Variants in SERPINE2 observed in about 807,000 individuals in gnomAD.
SERPINE2 encodes serpin family E member 2, also known as glia-derived nexin.
Under a neutral mutation model 36.3 loss-of-function variants are expected in SERPINE2, and 14 were observed. That is an observed-to-expected ratio of 0.39 (90% CI 0.25 to 0.60). The LOEUF is 0.60. Among genes scored for constraint, SERPINE2 ranks in the 20% least tolerant of loss-of-function variants. SERPINE2 has a pLI of 0.57. For synonymous variants in SERPINE2, 192 were observed against 191.8 expected (o/e 1.00, Z -0.01); for missense variants, 418 against 499.6 (o/e 0.84, Z 1.56).
At chr2:224,011,433 C>T (rs1398910816) in intron 1 of SERPINE2, among the ~76,000 whole-genome samples, 1 of 152,044 alleles carries the variant, frequency 6.6e-6, no homozygotes, top group Non-Finnish European at 1.5e-5. Context: ...CAATAAAATC[C>T]AAATTCTTTT....
In SERPINE2 at chr2:223,991,982, A is replaced by G. The variant is rs1327449063; in HGVS notation, c.506T>C (p.Leu169Pro). ...CACACCATCAATAAGATCTGGGGACAGCAGATTGTCAATCATATCTGTGAA... is the reference window on the plus strand; with the variant it reads ...CACACCATCAATAAGATCTGGGGACGGCAGATTGTCAATCATATCTGTGAA... The part of the protein sequence containing the change: ...NETRDMIDNL[L>P]SPDLIDGVLT... Residue 169 changes from leucine to proline, a missense_variant, in exon 4 of 9, where the codon CTG (leucine) becomes CCG (proline). Physicochemically the swap from Leu to Pro is moderately conservative, Grantham distance 98. Transcript: ENST00000409304. 6.2e-7 allele frequency: 1 copy of G among 1,614,090 alleles called. No individual in the cohort carries two copies. Among genetic ancestry groups the G allele is most frequent in the East Asian group, 2.2e-5 (1 of 44,890 alleles).
At chr2:224,012,610 A>G (rs939953569) in intron 1 of SERPINE2, among the ~76,000 whole-genome samples, 122 of 152,200 alleles carry the variant, frequency 8.0e-4, no homozygotes, top group African/African-American at 2.3e-3. Flanking sequence ...CCCAAAAAAA[A>G]AAAAAAAATT....
At chr2:223,982,938 T>C (rs1486767168) in intron 5 of SERPINE2, among the ~76,000 whole-genome samples, 157 bp from the exon 6 acceptor site, 3 of 152,222 alleles carry the variant, frequency 2.0e-5, no homozygotes, top group Non-Finnish European at 4.4e-5. Flanking sequence ...AAATACCAGA[T>C]AAGTAAAGGA....
chr2:223,981,568 C>A (rs1221287640), intron 6 of SERPINE2: 1 of 152,168 alleles, frequency 6.6e-6, no homozygotes, highest in Non-Finnish European at 1.5e-5. Context: ...TCATGTTTGT[C>A]CCCAGAACAG....
rs548436245 is a variant in SERPINE2 at position 224,005,434 on chromosome 2, T to C, written c.-22-3512A>G. Among the ~76,000 whole-genome samples, 3 of 152,218 alleles carry C rather than the reference T, an allele frequency of 2.0e-5. No homozygotes were observed. The East Asian group carries it at 5.8e-4, about 29-fold the overall frequency. On this transcript the variant is annotated intron_variant, in intron 1 of 8. Coordinates refer to ENST00000409304, the MANE Select transcript of SERPINE2 (RefSeq NM_001136528.2). The stretch of plus-strand genomic sequence containing the variant: ...GGGCAGAACTTCTCCTTGGCCTTGG[T>C]TTCCTAGGCCAAATGCTCACTCGTC...
At chr2:224,036,109 A>G (rs1412347482) in intron 1 of SERPINE2, among the ~76,000 whole-genome samples, 1 of 152,142 alleles carries the variant, frequency 6.6e-6, no homozygotes, top group Non-Finnish European at 1.5e-5. Flanking sequence ...GGCACGGGTA[A>G]GCGCACCAGA....
intron 1 of SERPINE2, chr2:224,038,575 C>A: frequency 6.9e-7 from 1 of 1,453,054 alleles, no homozygotes; most frequent in Non-Finnish European, 9.5e-7. Flanking sequence ...AAATCGGCTG[C>A]CAGAGGCCAA....
chr2:223,991,616 G>T (rs541293893), intron 4 of SERPINE2, among the ~76,000 whole-genome samples, 187 bp downstream of exon 4: 1 of 152,112 alleles, frequency 6.6e-6, no homozygotes, highest in African/African-American at 2.4e-5. Flanking sequence ...TGCTATGCAT[G>T]GTAACTTTTG....
intron 1 of SERPINE2, among the ~76,000 whole-genome samples, chr2:224,014,569 T>G (rs993117749): frequency 1.3e-5 from 2 of 152,152 alleles, no homozygotes; most frequent in Admixed American, 6.5e-5. Context: ...ATGTGTGTTC[T>G]CTTGTGCCCT....
Position 224,022,524 on chromosome 2 carries a change from C to G in SERPINE2, c.-23+16575G>C, listed in dbSNP as rs183066976. 2.5e-3 allele frequency among the ~76,000 whole-genome samples: 377 copies of G among 152,184 alleles called. 3 individuals carry two copies. Among genetic ancestry groups the G allele is most frequent in the Middle Eastern group, 0.017 (5 of 294 alleles). ...GAAATTATCTATTTCAATCACCTGT[C>G]ACCAGGGGCTATTCTCTTACATTAT... On this transcript the variant is annotated intron_variant, in intron 1 of 8. Coordinates refer to ENST00000409304, the MANE Select transcript of SERPINE2 (RefSeq NM_001136528.2).
intron 1 of SERPINE2, among the ~76,000 whole-genome samples, chr2:224,006,624 G>C (rs552243319): frequency 6.6e-6 from 1 of 152,278 alleles, no homozygotes; most frequent in East Asian, 1.9e-4. Flanking sequence ...GTAGACTCCT[G>C]GTGCCCACAG....
At chr2:223,991,348 G>A (rs1443516651) in intron 4 of SERPINE2, among the ~76,000 whole-genome samples, 4 of 152,122 alleles carry the variant, frequency 2.6e-5, no homozygotes. Context: ...AGTGCCCAAG[G>A]GTCCTGCTTC....
chr2:223,991,706 T>C (rs768986590), intron 4 of SERPINE2, 97 bp downstream of exon 4: 27 of 1,275,090 alleles, frequency 2.1e-5, no homozygotes, highest in Non-Finnish European at 2.6e-5. Context: ...TTTTAAAAGA[T>C]GAAAAGTTAG....
intron 1 of SERPINE2, among the ~76,000 whole-genome samples, chr2:224,032,635 G>T (rs1292555763): frequency 6.6e-6 from 1 of 152,130 alleles, no homozygotes; most frequent in Non-Finnish European, 1.5e-5. Context: ...AATTAAATAA[G>T]AAAAATGGAA....
chr2:224,017,013 G>T (rs982968064), intron 1 of SERPINE2, among the ~76,000 whole-genome samples: 8 of 152,232 alleles, frequency 5.3e-5, no homozygotes, highest in African/African-American at 1.9e-4. Flanking sequence ...AGGGAGGCAT[G>T]AGGGGTCCCT....
chr2:224,001,589 G>A (rs975356974), intron 2 of SERPINE2, 53 bp downstream of exon 2: 4 of 1,568,920 alleles, frequency 2.5e-6, no homozygotes, highest in Non-Finnish European at 3.5e-6. Flanking sequence ...AAACCCTCCT[G>A]TCACAAGACT....
At chr2:224,017,061 C>T (rs1476698032) in intron 1 of SERPINE2, among the ~76,000 whole-genome samples, 2 of 152,066 alleles carry the variant, frequency 1.3e-5, no homozygotes, top group Non-Finnish European at 2.9e-5. Context: ...GTGGTGGTGC[C>T]CACACAAGTC....
chr2:223,987,434 T>G (rs1420365834), intron 4 of SERPINE2, among the ~76,000 whole-genome samples: 1 of 152,138 alleles, frequency 6.6e-6, no homozygotes, highest in Non-Finnish European at 1.5e-5. Context: ...TGTCAGAGCA[T>G]GGAGCCTCTC....
chr2:224,036,593 T>A (rs1322547700), intron 1 of SERPINE2, among the ~76,000 whole-genome samples: 1 of 149,658 alleles, frequency 6.7e-6, no homozygotes, highest in Non-Finnish European at 1.5e-5. Flanking sequence ...GTAACAAACC[T>A]GCACGTTCTG....
Sources: allele counts gnomAD v4.1 joint callset (sites outside exome capture counted in the v4.1 genomes callset), GRCh38; gene constraint gnomAD v4.1.1; transcripts MANE v1.5; gene names NCBI Gene and HGNC (gene_info 2026-07-23, HGNC 2026-07-21).